Variants in GPHN observed in about 807,000 individuals in gnomAD.
GPHN encodes the protein gephyrin.
In GPHN, 17 loss-of-function variants were observed where a neutral mutation model predicts 95.5. The observed-to-expected ratio is 0.18, with a 90% CI of 0.12 to 0.27. The LOEUF (loss-of-function observed/expected upper bound fraction) is 0.27, where lower values mean the gene tolerates loss of function less well. Ranked by LOEUF, GPHN falls within the 10% of genes least tolerant of loss-of-function variation. GPHN has a pLI of 1.00. For synonymous variants in GPHN, 320 were observed against 322.5 expected, an observed-to-expected ratio of 0.99 and a Z score of 0.08; for missense variants, 660 against 978.1, an observed-to-expected ratio of 0.67 and a Z score of 4.34.
intron 1 of GPHN, among the ~76,000 whole-genome samples, chr14:66,546,479 A>C: frequency 6.6e-6 from 1 of 152,164 alleles, no homozygotes; most frequent in Non-Finnish European, 1.5e-5. Context: ...AGCCTGGGCA[A>C]CATCGAGCAC....
the GPHN span, among the ~76,000 whole-genome samples, chr14:67,238,901 C>G: frequency 6.6e-6 from 1 of 152,088 alleles, no homozygotes; most frequent in Non-Finnish European, 1.5e-5. Context: ...CCTTGGCATC[C>G]CAAAGTGCTG....
At chr14:67,558,429 CTGAAAATTGA>C in the GPHN span, among the ~76,000 whole-genome samples, 19 of 152,116 alleles carry the variant, frequency 1.2e-4, no homozygotes, top group Admixed American at 8.5e-4. Flanking sequence ...CCATGTGCTC[CTGAAAATTGA>C]TGGAAGAATA....
intron 1 of GPHN, among the ~76,000 whole-genome samples, chr14:66,588,256 A>C (rs1256420464): frequency 6.6e-6 from 1 of 152,162 alleles, no homozygotes; most frequent in Non-Finnish European, 1.5e-5. Context: ...CAAAGAACAA[A>C]GATAGAGAAA....
At chr14:66,814,876 A>G (rs1276530120) in intron 3 of GPHN, among the ~76,000 whole-genome samples, 1 of 152,218 alleles carries the variant, frequency 6.6e-6, no homozygotes. Context: ...GAGCTACAGG[A>G]GTATGTTGAA....
intron 1 of GPHN, among the ~76,000 whole-genome samples, chr14:66,585,722 G>T (rs1399448228): frequency 6.6e-6 from 1 of 152,126 alleles, no homozygotes; most frequent in East Asian, 1.9e-4. Flanking sequence ...TTAATCCTGA[G>T]TTCTAGTTTG....
At chr14:66,835,554 C>G (rs550975530) in intron 4 of GPHN, among the ~76,000 whole-genome samples, 21 of 151,756 alleles carry the variant, frequency 1.4e-4, no homozygotes, top group African/African-American at 4.6e-4. Context: ...GATGCCCTCT[C>G]TCACCACTCC....
At chr14:67,190,463 T>G in the GPHN span, among the ~76,000 whole-genome samples, 4 of 152,152 alleles carry the variant, frequency 2.6e-5, no homozygotes, top group African/African-American at 9.7e-5. Flanking sequence ...CCTCAAGAGA[T>G]CCACCTGCCT....
chr14:67,004,078 G>A (rs1425049829), intron 9 of GPHN, among the ~76,000 whole-genome samples: 1 of 151,662 alleles, frequency 6.6e-6, no homozygotes, highest in African/African-American at 2.4e-5. Context: ...AAAATGGAAG[G>A]GAGTCATGAC....
chr14:66,873,184 G>A (rs372456887), intron 4 of GPHN, among the ~76,000 whole-genome samples: 36 of 152,314 alleles, frequency 2.4e-4, no homozygotes, highest in African/African-American at 7.2e-4. Flanking sequence ...GATCAGGGAA[G>A]TCCCTCCCCT....
the GPHN span, among the ~76,000 whole-genome samples, chr14:67,601,153 G>A: frequency 2.0e-5 from 3 of 152,192 alleles, no homozygotes; most frequent in Non-Finnish European, 4.4e-5. Context: ...ACATAGGGCA[G>A]TCAGGCGAAG....
At chr14:67,094,365 T>C (rs1258980929) in intron 12 of GPHN, among the ~76,000 whole-genome samples, 1 of 152,180 alleles carries the variant, frequency 6.6e-6, no homozygotes, top group East Asian at 1.9e-4. Context: ...ATTAATTGTT[T>C]ACATAATGCA....
chr14:67,497,891 C>T, the GPHN span, among the ~76,000 whole-genome samples: 1 of 151,974 alleles, frequency 6.6e-6, no homozygotes, highest in African/African-American at 2.4e-5. Flanking sequence ...TGACTGCATC[C>T]TTCTGCCTTC....
chr14:66,534,375 A>G (rs1221933438), intron 1 of GPHN, among the ~76,000 whole-genome samples: 1 of 152,026 alleles, frequency 6.6e-6, no homozygotes, highest in Non-Finnish European at 1.5e-5. Flanking sequence ...CTTGCACTTC[A>G]TGTAAAGGGA....
chr14:67,152,524 C>T (rs906075132), intron 18 of GPHN, among the ~76,000 whole-genome samples: 2 of 152,062 alleles, frequency 1.3e-5, no homozygotes, highest in Admixed American at 1.3e-4. Context: ...AGAATATACC[C>T]ATTTCAGCAT....
chr14:67,208,489 T>A, the GPHN span: 1 of 1,584,196 alleles, frequency 6.3e-7, no homozygotes, highest in African/African-American at 1.4e-5. Flanking sequence ...TTCTAAGACA[T>A]GAAATATTAA....
At chr14:66,542,494 A>G (rs1019244335) in intron 1 of GPHN, among the ~76,000 whole-genome samples, 4 of 152,040 alleles carry the variant, frequency 2.6e-5, no homozygotes, top group Admixed American at 1.3e-4. Flanking sequence ...CATATAACCT[A>G]TCTTTCTACC....
the GPHN span, chr14:67,302,200 C>A: frequency 2.1e-6 from 3 of 1,411,560 alleles, no homozygotes; most frequent in Non-Finnish European, 2.8e-6. Flanking sequence ...TTTCAGAATT[C>A]TAATGAATAG....
intron 1 of GPHN, among the ~76,000 whole-genome samples, chr14:66,567,934 A>G (rs904236240): frequency 3.3e-5 from 5 of 152,186 alleles, no homozygotes; most frequent in Non-Finnish European, 2.9e-5. Context: ...AGCTAACTCA[A>G]AGAAAGGTAG....
chr14:66,885,000 G>C (rs1171922329), intron 5 of GPHN, among the ~76,000 whole-genome samples: 4 of 151,636 alleles, frequency 2.6e-5, no homozygotes, highest in Non-Finnish European at 5.9e-5. Context: ...TTTTCCATTT[G>C]CTGCCAAAAA....
Sources: allele counts gnomAD v4.1 joint callset (sites outside exome capture counted in the v4.1 genomes callset), GRCh38; gene constraint gnomAD v4.1.1; transcripts MANE v1.5; gene names NCBI Gene and HGNC (gene_info 2026-07-23, HGNC 2026-07-21).